PPM1H: variants seen among roughly 807,000 people sequenced by gnomAD.
PPM1H encodes the protein protein phosphatase, Mg2+/Mn2+ dependent 1H, also known as protein phosphatase 1H.
PPM1H carries 27 observed loss-of-function variants against 54.9 expected under a neutral mutation model. The observed-to-expected ratio is 0.49, with a 90% confidence interval of 0.36 to 0.68. The LOEUF (loss-of-function observed/expected upper bound fraction) is 0.68. Among genes scored for constraint, PPM1H ranks in the 30% least tolerant of loss-of-function variants. The pLI, the probability that PPM1H is intolerant of heterozygous loss-of-function variation, is 0.00. For missense variants in PPM1H, 596 were observed against 667.8 expected (o/e 0.89, Z 1.19); for synonymous variants, 305 against 270.8 (o/e 1.13, Z -1.24).
intron 3 of PPM1H, among the ~76,000 whole-genome samples, chr12:62,801,467 G>A (rs978545786): frequency 1.7e-4 from 26 of 152,120 alleles, no homozygotes; most frequent in African/African-American, 6.0e-4. Flanking sequence ...ACAGGCAACG[G>A]CCATCATGCC....
intron 7 of PPM1H, among the ~76,000 whole-genome samples, chr12:62,692,049 AC>A (rs902478463): frequency 1.9e-4 from 29 of 152,274 alleles, no homozygotes; most frequent in African/African-American, 7.0e-4. Context: ...TCCAGGTGTT[AC>A]CCACACCAGT....
intron 4 of PPM1H, chr12:62,755,969 T>C: frequency 9.5e-7 from 1 of 1,056,740 alleles, no homozygotes; most frequent in Non-Finnish European, 1.5e-6. Context: ...CCTGAACTGC[T>C]GTCTGGAAAA....
At chr12:62,760,395 C>T (rs1333168004) in intron 4 of PPM1H, among the ~76,000 whole-genome samples, 4 of 152,118 alleles carry the variant, frequency 2.6e-5, no homozygotes, top group African/African-American at 4.8e-5. Context: ...CATCTGACCT[C>T]TCACCTCCTC....
chr12:62,660,459 C>A (rs1254545858), intron 9 of PPM1H, among the ~76,000 whole-genome samples: 1 of 152,100 alleles, frequency 6.6e-6, no homozygotes, highest in Non-Finnish European at 1.5e-5. Flanking sequence ...GCTATATTAA[C>A]CCAAATAGCA....
intron 2 of PPM1H, 145 bp downstream of exon 2, chr12:62,831,969 C>T (rs780962219): frequency 3.3e-4 from 314 of 940,942 alleles, no homozygotes; most frequent in Non-Finnish European, 4.4e-4. Flanking sequence ...GATGTCGTGA[C>T]GATAGGCCCG....
rs546634626 is a variant in PPM1H, at chr12:62,922,404, C to A, written c.245+12088G>T. ...ATAATTCAGTGATGGTCACCAGGGT[C>A]ATGGGACAGCCTGCGATTCTAAAGT... On this transcript the variant is annotated intron_variant, in intron 1 of 9. Transcript: ENST00000228705. 2.6e-5 allele frequency among the ~76,000 whole-genome samples: 4 copies of A among 151,460 alleles called. No individual in the cohort carries two copies. In the South Asian group the frequency reaches 8.3e-4, roughly 32 times the overall value.
At position 62,676,285 on chromosome 12, in the gene PPM1H, A is replaced by G. The variant is rs115413040; in HGVS notation, c.1246-8956T>C. Among the ~76,000 whole-genome samples, 531 of 152,320 alleles carry G rather than the reference A, an allele frequency of 3.5e-3. 3 individuals carry two copies. Among genetic ancestry groups the G allele is most frequent in the African/African-American group, 0.012 (510 of 41,574 alleles). On this transcript the variant is annotated intron_variant, in intron 8 of 9. Transcript: ENST00000228705. The stretch of plus-strand genomic sequence containing the variant: ...AGCAAGTTCCTGCAGCACAGTGAAG[A>G]ACAGCTTATTGATGGCAGTAGCAGC...
At chr12:62,771,522 A>G (rs1015654118) in intron 4 of PPM1H, among the ~76,000 whole-genome samples, 1 of 151,826 alleles carries the variant, frequency 6.6e-6, no homozygotes, top group Non-Finnish European at 1.5e-5. Context: ...ATGCTTTTAC[A>G]TCAGCCCAAA....
chr12:62,836,148 T>C (rs1868497711), intron 1 of PPM1H, among the ~76,000 whole-genome samples: 1 of 152,208 alleles, frequency 6.6e-6, no homozygotes, highest in Admixed American at 6.5e-5. Flanking sequence ...GATGCTTATT[T>C]TGAAGGCTTT....
chr12:62,746,410 AAAACC>A (rs750006847), intron 4 of PPM1H, among the ~76,000 whole-genome samples: 10 of 152,298 alleles, frequency 6.6e-5, no homozygotes, highest in Admixed American at 2.6e-4. Flanking sequence ...CTGATAAAGC[AAAACC>A]AAACCAAACC....
intron 3 of PPM1H, among the ~76,000 whole-genome samples, chr12:62,791,277 T>C (rs570016460): frequency 6.6e-6 from 1 of 151,840 alleles, no homozygotes; most frequent in Non-Finnish European, 1.5e-5. Context: ...GGCTGGAGGA[T>C]GAGGAGGAGG....
intron 1 of PPM1H, among the ~76,000 whole-genome samples, chr12:62,911,704 C>T (rs527676723): frequency 6.6e-5 from 10 of 152,374 alleles, no homozygotes; most frequent in Admixed American, 2.0e-4. Context: ...CAAGGGCAGG[C>T]ACCACGCTTT....
At chr12:62,713,329 A>C (rs1592557993) in intron 6 of PPM1H, among the ~76,000 whole-genome samples, 1 of 152,200 alleles carries the variant, frequency 6.6e-6, no homozygotes, top group Non-Finnish European at 1.5e-5. Context: ...GAAAAGCAAG[A>C]GGGACAAGAG....
chr12:62,789,753 T>G (rs1300003323), intron 3 of PPM1H, among the ~76,000 whole-genome samples: 1 of 152,188 alleles, frequency 6.6e-6, no homozygotes, highest in Non-Finnish European at 1.5e-5. Context: ...CCAACCTGCT[T>G]CTCTTCCAAA....
rs140401854 is a variant in PPM1H at position 62,895,570 on chromosome 12, C to T, written c.245+38922G>A. ...ACCAAGTCTCATATTGAAATCTGAT[C>T]CCCAATGTTGAATGTGGGGCATGGT... On this transcript the variant is annotated intron_variant, in intron 1 of 9. Transcript: ENST00000228705. Among the ~76,000 whole-genome samples the T allele has an allele frequency of 3.1e-3, 478 of 152,250 alleles. 3 individuals carry two copies. Among genetic ancestry groups the T allele is most frequent in the African/African-American group, 0.011 (456 of 41,538 alleles).
chr12:62,770,757 CAG>C (rs1338995405), intron 4 of PPM1H, among the ~76,000 whole-genome samples: 6 of 152,256 alleles, frequency 3.9e-5, no homozygotes, highest in African/African-American at 1.2e-4. Context: ...AGAGATGAAT[CAG>C]TGTGAAAATG....
At chr12:62,732,568 G>T (rs1592568593) in intron 5 of PPM1H, among the ~76,000 whole-genome samples, 2 of 148,616 alleles carry the variant, frequency 1.3e-5, no homozygotes, top group Non-Finnish European at 1.5e-5. Context: ...GTTTTTTTTT[G>T]TTTTCGGTTT....
At chr12:62,917,083 A>ACTT (rs1259011920) in intron 1 of PPM1H, among the ~76,000 whole-genome samples, 1 of 152,264 alleles carries the variant, frequency 6.6e-6, no homozygotes, top group African/African-American at 2.4e-5. Context: ...GACTTATGTG[A>ACTT]ATTTTCAAAA....
intron 4 of PPM1H, among the ~76,000 whole-genome samples, chr12:62,768,465 C>T (rs2076557867): frequency 6.6e-6 from 1 of 152,018 alleles, no homozygotes; most frequent in Admixed American, 6.6e-5. Flanking sequence ...ACCAACCTGG[C>T]CAACATAGTG....
Sources: allele counts gnomAD v4.1 joint callset (sites outside exome capture counted in the v4.1 genomes callset), GRCh38; gene constraint gnomAD v4.1.1; transcripts MANE v1.5; gene names NCBI Gene and HGNC (gene_info 2026-07-23, HGNC 2026-07-21).